The following TBC1D1 variants were observed in gnomAD, a reference collection of about 807,000 sequenced individuals.
The protein encoded by TBC1D1 is TBC1 (tre-2/USP6, BUB2, cdc16) domain family, member 1.
TBC1D1 carries 89 observed loss-of-function variants against 125.6 expected under a neutral mutation model. The observed-to-expected ratio is 0.71, with a 90% CI of 0.60 to 0.85. TBC1D1 has a LOEUF of 0.85. TBC1D1 is among the 40% of genes least tolerant of loss of function. The pLI is 0.00. For synonymous variants in TBC1D1, 565 were observed against 564.1 expected, an observed-to-expected ratio of 1.00 and a Z score of -0.02; for missense variants, 1,377 against 1,469.2, an observed-to-expected ratio of 0.94 and a Z score of 1.03.
At chr4:38,112,221 C>A in intron 15 of TBC1D1, 2 of 399,902 alleles carry the variant, frequency 5.0e-6, no homozygotes, top group Non-Finnish European at 6.8e-6. Flanking sequence ...GAGTTCCAAA[C>A]TTTGTGAAAA....
chr4:38,113,477 C>T (rs1762500098), intron 15 of TBC1D1, among the ~76,000 whole-genome samples: 2 of 152,224 alleles, frequency 1.3e-5, no homozygotes, highest in African/African-American at 2.4e-5. Context: ...TTAGCTAAAA[C>T]GATAACACTG....
At chr4:38,105,064 G>A (rs1761074174) in intron 15 of TBC1D1, among the ~76,000 whole-genome samples, 1 of 152,006 alleles carries the variant, frequency 6.6e-6, no homozygotes, top group Admixed American at 6.6e-5. Flanking sequence ...CCCACTTAAG[G>A]TTATTCTTTA....
chr4:37,942,675 A>G (rs1725818477), intron 2 of TBC1D1, among the ~76,000 whole-genome samples: 3 of 152,082 alleles, frequency 2.0e-5, no homozygotes, highest in Non-Finnish European at 4.4e-5. Flanking sequence ...AGTAGCTGGA[A>G]CTACAGGTGC....
intron 2 of TBC1D1, among the ~76,000 whole-genome samples, chr4:38,001,721 T>C (rs1440072841): frequency 1.3e-5 from 2 of 152,232 alleles, no homozygotes; most frequent in Admixed American, 6.5e-5. Context: ...TAGATGCTCT[T>C]GTGTCAAGAC....
intron 2 of TBC1D1, among the ~76,000 whole-genome samples, chr4:37,998,581 C>T (rs1339833232): frequency 1.3e-5 from 2 of 152,212 alleles, no homozygotes; most frequent in African/African-American, 4.8e-5. Flanking sequence ...CTGACCTCCC[C>T]TCTTTGCACG....
chr4:37,985,315 T>G (rs1333121795), intron 2 of TBC1D1, among the ~76,000 whole-genome samples: 2 of 152,228 alleles, frequency 1.3e-5, no homozygotes, highest in Non-Finnish European at 2.9e-5. Context: ...AAAATTTCTA[T>G]GATTTCTGAT....
At chr4:38,012,905 T>C (rs1029117689) in intron 2 of TBC1D1, among the ~76,000 whole-genome samples, 1 of 152,190 alleles carries the variant, frequency 6.6e-6, no homozygotes, top group African/African-American at 2.4e-5. Context: ...GCAATTCTCC[T>C]GCCTCGGCCT....
At chr4:38,043,909 C>T (rs1748904826) in intron 8 of TBC1D1, among the ~76,000 whole-genome samples, 1 of 152,186 alleles carries the variant, frequency 6.6e-6, no homozygotes, top group Non-Finnish European at 1.5e-5. Flanking sequence ...TTTTGAAAAG[C>T]TAATGATAGC....
intron 6 of TBC1D1, among the ~76,000 whole-genome samples, chr4:38,022,332 A>G (rs1399466785): frequency 6.6e-6 from 1 of 152,232 alleles, no homozygotes; most frequent in Non-Finnish European, 1.5e-5. Context: ...GCTTTCTGTT[A>G]TCTATTTAAT....
intron 2 of TBC1D1, among the ~76,000 whole-genome samples, chr4:37,921,538 C>G (rs2152273705): frequency 6.6e-6 from 1 of 151,558 alleles, no homozygotes; most frequent in East Asian, 1.9e-4. Flanking sequence ...TCCCTAGTAG[C>G]TGGGATTGCA....
intron 7 of TBC1D1, among the ~76,000 whole-genome samples, chr4:38,029,116 C>G (rs999685893): frequency 6.6e-6 from 1 of 152,090 alleles, no homozygotes; most frequent in Admixed American, 6.6e-5. Flanking sequence ...AATTTCATGT[C>G]TGCTTTAGCT....
intron 12 of TBC1D1, among the ~76,000 whole-genome samples, chr4:38,054,623 A>C (rs375805713): frequency 2.0e-5 from 3 of 152,168 alleles, no homozygotes; most frequent in East Asian, 3.9e-4. Flanking sequence ...GTCTGCGGCA[A>C]CCTCACTTCT....
intron 2 of TBC1D1, among the ~76,000 whole-genome samples, chr4:37,943,367 A>G (rs1318451063): frequency 6.6e-6 from 1 of 152,148 alleles, no homozygotes; most frequent in Non-Finnish European, 1.5e-5. Flanking sequence ...TATTTCCTGA[A>G]TTTGAATGTT....
At chr4:38,011,461 T>C (rs1210480872) in intron 2 of TBC1D1, among the ~76,000 whole-genome samples, 1 of 152,200 alleles carries the variant, frequency 6.6e-6, no homozygotes, top group Non-Finnish European at 1.5e-5. Flanking sequence ...TTTTATTTAG[T>C]CTCTTAGTAT....
chr4:38,011,448 A>G (rs957791873), intron 2 of TBC1D1, among the ~76,000 whole-genome samples: 2 of 152,130 alleles, frequency 1.3e-5, no homozygotes, highest in African/African-American at 4.8e-5. Context: ...GATAGAACCC[A>G]TTTTTTATTT....
chr4:38,085,940 C>G (rs539228569), intron 12 of TBC1D1, among the ~76,000 whole-genome samples: 1 of 152,304 alleles, frequency 6.6e-6, no homozygotes, highest in African/African-American at 2.4e-5. Context: ...CTGCACACGC[C>G]TGAAGGAGGA....
intron 7 of TBC1D1, 53 bp downstream of exon 7, chr4:38,027,932 T>A: frequency 7.5e-7 from 1 of 1,330,770 alleles, no homozygotes; most frequent in Non-Finnish European, 1.1e-6. Context: ...GCAGCTTACC[T>A]GGGAAATGCT....
At chr4:38,120,412 G>A (rs1190687167) in intron 17 of TBC1D1, among the ~76,000 whole-genome samples, 1 of 152,198 alleles carries the variant, frequency 6.6e-6, no homozygotes, top group Non-Finnish European at 1.5e-5. Context: ...TTTTAGCACT[G>A]ATGACTTAGA....
intron 12 of TBC1D1, among the ~76,000 whole-genome samples, chr4:38,087,480 CAGGA>C (rs1378428202): frequency 6.6e-6 from 1 of 152,090 alleles, no homozygotes; most frequent in African/African-American, 2.4e-5. Context: ...CTGTGGTAAA[CAGGA>C]AGGATGAGAT....
Sources: gnomAD v4.1 joint callset for allele counts (sites outside exome capture counted in the v4.1 genomes callset) on GRCh38, gnomAD v4.1.1 for gene constraint, MANE v1.5 for transcripts, NCBI Gene and HGNC (gene_info 2026-07-23, HGNC 2026-07-21) for gene names.